STK32B: variants seen among roughly 807,000 people sequenced by gnomAD.
STK32B encodes serine/threonine-protein kinase 32B.
In STK32B, 43 loss-of-function variants were observed where a neutral mutation model predicts 52.6. That is an observed-to-expected ratio of 0.82 (90% CI 0.64 to 1.05). The LOEUF is 1.05. Among genes scored for constraint, STK32B ranks in the 50% least tolerant of loss-of-function variants. The pLI is 0.00. For synonymous variants in STK32B, 238 were observed against 204.3 expected, an observed-to-expected ratio of 1.17 and a Z score of -1.41; for missense variants, 621 against 534.6, an observed-to-expected ratio of 1.16 and a Z score of -1.59.
Position 5,317,536 on chromosome 4 carries a change from C to CATATATATATATATATATAT in STK32B, c.261-13682_261-13681insATATATATATATATATATAT, listed in dbSNP as rs201529318. ...TAATATATTTATTATATATATATTA[C>CATATATATATATATATATAT]ATGTATATATATATATATATATAAC... On this transcript the variant is annotated intron_variant, in intron 3 of 11. Coordinates refer to ENST00000282908, the MANE Select transcript of STK32B (RefSeq NM_018401.3). 1.4e-4 allele frequency among the ~76,000 whole-genome samples: 13 copies of CATATATATATATATATATAT among 93,520 alleles called. 1 individual carries two copies. The highest frequency in any genetic ancestry group is 8.8e-4 in the African/African-American group (13 of 14,810). The allele number at this position is 93,520 out of a possible 152,430, so 61.4% of individuals were successfully genotyped here. A position where few individuals can be genotyped will look rare whatever the true frequency, so the allele number is the denominator to read the frequency against.
chr4:5,165,933 T>G (rs747935031), intron 2 of STK32B, among the ~76,000 whole-genome samples: 10 of 152,172 alleles, frequency 6.6e-5, no homozygotes, highest in Non-Finnish European at 1.3e-4. Context: ...CGCCTGGCAC[T>G]CCCACTTCCT....
intron 6 of STK32B, among the ~76,000 whole-genome samples, chr4:5,418,304 T>C (rs1281132344): frequency 6.6e-6 from 1 of 152,250 alleles, no homozygotes; most frequent in Admixed American, 6.5e-5. Context: ...TTGACTTTGA[T>C]ACTTTTCTGT....
Position 5,398,133 on chromosome 4 carries a change from G to C in STK32B, c.435-74G>C, listed in dbSNP as rs1737041299. The C allele has an allele frequency of 2.6e-6, 4 of 1,564,750 alleles. No homozygotes were observed. In the Admixed American group the frequency reaches 6.8e-5, roughly 27 times the overall value. ...GCCTGGGTGTTCCAGCATTTGTCCT[G>C]ATGTGGTGCTTGTCTATGTGCTCAT... On this transcript the variant is annotated intron_variant, in intron 4 of 11. Transcript: ENST00000282908. This position sits in a 1 kb window ranked among gnomAD's most constrained non-coding sequence, Gnocchi z 4.9.
At chr4:5,155,238 A>C (rs1717721502) in intron 2 of STK32B, among the ~76,000 whole-genome samples, 1 of 151,980 alleles carries the variant, frequency 6.6e-6, no homozygotes, top group Non-Finnish European at 1.5e-5. Flanking sequence ...TCTCCACCTC[A>C]ACCTTCCATA....
chr4:5,242,508 T>G (rs1577234051), intron 3 of STK32B, among the ~76,000 whole-genome samples: 1 of 152,184 alleles, frequency 6.6e-6, no homozygotes, highest in African/African-American at 2.4e-5. Context: ...TTGCAAAAAT[T>G]TTCTCCCATT....
rs1014193099 is a variant in STK32B, at chr4:5,470,808, G to A, written c.1106+2738G>A. Among the ~76,000 whole-genome samples, 4 of 152,214 alleles carry A rather than the reference G, an allele frequency of 2.6e-5. No homozygotes were observed. Among genetic ancestry groups the A allele is most frequent in the Admixed American group, 2.6e-4 (4 of 15,288 alleles). On this transcript the variant is annotated intron_variant, in intron 11 of 11. Coordinates refer to ENST00000282908, the MANE Select transcript of STK32B (RefSeq NM_018401.3). The surrounding 1 kb of genome is among the most constrained non-coding windows in gnomAD (Gnocchi z 4.6). ...TGAGACCTGTTTATCCTTCACTTCT[G>A]TCTGGAATCCCATGTTAGAGGCACT...
intron 3 of STK32B, among the ~76,000 whole-genome samples, chr4:5,280,193 T>G (rs1373789798): frequency 2.0e-5 from 3 of 152,146 alleles, no homozygotes; most frequent in Non-Finnish European, 4.4e-5. Context: ...TAGTTTCTGG[T>G]CTTTTTTTTG....
chr4:5,079,281 T>C (rs1712264968), intron 1 of STK32B, among the ~76,000 whole-genome samples: 1 of 22,362 alleles, frequency 4.5e-5, no homozygotes, highest in African/African-American at 4.9e-5. Context: ...ATAAATTGTA[T>C]ACATAAAACT....
At chr4:5,484,518 C>T (rs7438007) in intron 11 of STK32B, among the ~76,000 whole-genome samples, 8,398 of 152,060 alleles carry the variant, frequency 0.055, 283 homozygotes, top group African/African-American at 0.097. Context: ...ATACAGCACA[C>T]GGATAGGTCT....
chr4:5,374,773 CGGG>C (rs35953395), intron 4 of STK32B, among the ~76,000 whole-genome samples: 2 of 127,808 alleles, frequency 1.6e-5, no homozygotes, highest in African/African-American at 6.9e-5. Flanking sequence ...TGAATATTGA[CGGG>C]GGCGGGGGGG....
upstream of STK32B, among the ~76,000 whole-genome samples, chr4:5,049,040 C>G (rs1412461669): frequency 6.6e-6 from 1 of 152,192 alleles, no homozygotes; most frequent in East Asian, 1.9e-4. Context: ...AAGACTAATT[C>G]CAGCCGTGTG....
intron 2 of STK32B, among the ~76,000 whole-genome samples, chr4:5,157,996 T>A (rs914542324): frequency 2.4e-4 from 36 of 152,196 alleles, no homozygotes; most frequent in African/African-American, 7.5e-4. Flanking sequence ...TCATATGAAT[T>A]AGGTTGTGTT....
At chr4:5,116,776 T>C (rs76593609) in intron 1 of STK32B, among the ~76,000 whole-genome samples, 1,605 of 152,338 alleles carry the variant, frequency 0.011, 12 homozygotes, top group Non-Finnish European at 0.016. Flanking sequence ...TCCAATCCAT[T>C]AAAACATTTA....
chr4:5,467,981 G>T lies in STK32B; in HGVS notation c.1042-25G>T, dbSNP rs1224354743. 14 of 1,613,930 alleles carry T rather than the reference G, an allele frequency of 8.7e-6. No homozygotes were observed. The highest frequency in any genetic ancestry group is 1.2e-5 in the Non-Finnish European group (14 of 1,179,898). On this transcript the variant is annotated intron_variant, in intron 10 of 11. Transcript: ENST00000282908. This position sits in a 1 kb window ranked among gnomAD's most constrained non-coding sequence, Gnocchi z 5.8. ...TCCCCGGACCGTGCTTTGTCATTTAGTCACCCCTCTGTGCTCTTTGACAGA... is the reference window on the plus strand; with the variant it reads ...TCCCCGGACCGTGCTTTGTCATTTATTCACCCCTCTGTGCTCTTTGACAGA...
At chr4:5,070,340 GA>G (rs1422548626) in intron 1 of STK32B, among the ~76,000 whole-genome samples, 7 of 152,092 alleles carry the variant, frequency 4.6e-5, no homozygotes, top group African/African-American at 1.7e-4. Context: ...TCGTGTCCTG[GA>G]GTGTTGTTTT....
chr4:5,217,340 T>C (rs549306843), intron 3 of STK32B, among the ~76,000 whole-genome samples: 1 of 152,346 alleles, frequency 6.6e-6, no homozygotes, highest in African/African-American at 2.4e-5. Context: ...GAGGTCATTC[T>C]GCATTTTATG....
chr4:5,356,983 A>G (rs1734211941), intron 4 of STK32B, among the ~76,000 whole-genome samples: 1 of 151,944 alleles, frequency 6.6e-6, no homozygotes. Flanking sequence ...GGGCAACAAG[A>G]GTGAAACTCT....
At chr4:5,182,266 A>T (rs1209689177) in intron 3 of STK32B, among the ~76,000 whole-genome samples, 1 of 151,990 alleles carries the variant, frequency 6.6e-6, no homozygotes, top group Non-Finnish European at 1.5e-5. Context: ...TGTCAAAGTC[A>T]CCCCTGAAGG....
chr4:5,141,953 C>T (rs1000279849), intron 2 of STK32B, among the ~76,000 whole-genome samples: 5 of 151,458 alleles, frequency 3.3e-5, no homozygotes, highest in Admixed American at 2.6e-4. Flanking sequence ...AAGGACTTCC[C>T]CCCTGGAACC....
Sources: gnomAD v4.1 joint callset for allele counts (sites outside exome capture counted in the v4.1 genomes callset) on GRCh38, gnomAD v4.1.1 for gene constraint, Gnocchi (gnomAD v3.1) non-coding constraint, MANE v1.5 for transcripts, NCBI Gene and HGNC (gene_info 2026-07-23, HGNC 2026-07-21) for gene names.